POU2F2: variants seen among roughly 807,000 people sequenced by gnomAD.
POU2F2 encodes POU domain, class 2, transcription factor 2.
A neutral mutation model predicts 63.5 loss-of-function variants in POU2F2; 14 were observed. That is an observed-to-expected ratio of 0.22 (90% confidence interval 0.15 to 0.34). POU2F2 has a LOEUF of 0.34. Ranked by LOEUF, POU2F2 falls within the 10% of genes least tolerant of loss-of-function variation. POU2F2 has a pLI of 1.00. For missense variants in POU2F2, 607 were observed against 815.2 expected (o/e 0.74, Z 3.11); for synonymous variants, 306 against 348.6 (o/e 0.88, Z 1.36).
In POU2F2 at chr19:42,117,375, GA is replaced by G; in HGVS notation, c.243del (p.Gln84ArgfsTer33). On this transcript the variant is annotated frameshift_variant, in exon 5 of 15. Coordinates refer to ENST00000692977, the MANE Select transcript of POU2F2 (RefSeq NM_001394376.1). LOFTEE classifies it high-confidence loss of function. The surrounding 1 kb of genome is among the most constrained non-coding windows in gnomAD (Gnocchi z 4.4). The part of the protein sequence containing the change: ...LTFWGPGPCL[S>X]PPQIKAEDPS... ...GGGTCTTCAGCCTTGATCTGGGGGG[GA>G]GAGAGGCAGGGTCCGGGACCCCAGA... The G allele has an allele frequency of 6.6e-7, 1 of 1,521,018 alleles. No homozygotes were observed. The highest frequency in any genetic ancestry group is 8.8e-7 in the Non-Finnish European group (1 of 1,138,162). 94.2% of individuals were successfully genotyped at this position (1,521,018 alleles called of 1,614,324 possible).
intron 4 of POU2F2, among the ~76,000 whole-genome samples, chr19:42,118,189 T>G (rs1367436833): frequency 6.6e-6 from 1 of 152,224 alleles, no homozygotes; most frequent in Non-Finnish European, 1.5e-5. Flanking sequence ...CCTCCCAAAA[T>G]GCTGGAATTA....
chr19:42,143,351 C>CA (rs199605973), intron 2 of POU2F2, among the ~76,000 whole-genome samples: 3,974 of 150,498 alleles, frequency 0.026, 77 homozygotes, highest in Middle Eastern at 0.065. Context: ...GACTCTGCCT[C>CA]AAAAAAAAAG....
chr19:42,156,391 A>C lies in POU2F2; in HGVS notation c.-9+3941T>G, dbSNP rs2034456693. The C allele has an allele frequency of 6.6e-6, 1 of 152,666 alleles. No homozygotes were observed. Among genetic ancestry groups the C allele is most frequent in the Admixed American group, 6.5e-5 (1 of 15,282 alleles). The allele number at this position is 152,666 out of a possible 1,614,324, so 9.5% of individuals were successfully genotyped here. The stretch of plus-strand genomic sequence containing the variant: ...AAGCAATCTCTTGCCACCTCCCAGC[A>C]CCCCAGAATGCTAAACAGACCCTCA... On this transcript the variant is annotated intron_variant, in intron 2 of 6. Coordinates refer to the POU2F2 transcript ENST00000524801. The surrounding 1 kb of genome is among the most constrained non-coding windows in gnomAD (Gnocchi z 4.1).
chr19:42,129,994 G>C (rs1406959492), intron 1 of POU2F2, among the ~76,000 whole-genome samples: 3 of 152,124 alleles, frequency 2.0e-5, no homozygotes, highest in East Asian at 1.9e-4. Flanking sequence ...TTGCAGATAC[G>C]ACACATGCCC....
chr19:42,137,552 T>C (rs2034040997), intron 2 of POU2F2, among the ~76,000 whole-genome samples: 1 of 151,792 alleles, frequency 6.6e-6, no homozygotes, highest in African/African-American at 2.4e-5. Context: ...CGAGACCCCA[T>C]CTCTACAAAA....
intron 1 of POU2F2, among the ~76,000 whole-genome samples, chr19:42,127,917 T>C (rs1325218170): frequency 2.6e-5 from 4 of 152,060 alleles, no homozygotes; most frequent in Non-Finnish European, 5.9e-5. Flanking sequence ...CCCAAGGTCC[T>C]GATCTCCCTC....
At chr19:42,172,439 A>G (rs1490189192) in intron 1 of POU2F2, among the ~76,000 whole-genome samples, 6 of 152,122 alleles carry the variant, frequency 3.9e-5, no homozygotes, top group Admixed American at 3.9e-4. Flanking sequence ...ACACCACTCA[A>G]TAAATACCTA....
chr19:42,159,113 T>C (rs979541320), intron 2 of POU2F2, among the ~76,000 whole-genome samples: 1 of 152,028 alleles, frequency 6.6e-6, no homozygotes, highest in Admixed American at 6.5e-5. Context: ...GGGCCAAAGG[T>C]TGCCTGAAAT....
chr19:42,134,572 G>A (rs771560486), upstream of POU2F2: 1 of 152,562 alleles, frequency 6.6e-6, no homozygotes, highest in Non-Finnish European at 1.5e-5. Flanking sequence ...GGAACAGGGA[G>A]GCTCAAGGCA....
chr19:42,114,388 G>C (rs2031573046), intron 5 of POU2F2, among the ~76,000 whole-genome samples: 1 of 152,124 alleles, frequency 6.6e-6, no homozygotes, highest in Non-Finnish European at 1.5e-5. Context: ...TCCTGGGCTG[G>C]GGCTCAGATG....
chr19:42,112,224 C>T (rs1296058450), intron 5 of POU2F2, among the ~76,000 whole-genome samples: 1 of 152,110 alleles, frequency 6.6e-6, no homozygotes, highest in Non-Finnish European at 1.5e-5. Context: ...TACCCACTGC[C>T]CCTTCTTCAA....
chr19:42,176,906 G>C (rs1238187616), upstream of POU2F2, among the ~76,000 whole-genome samples: 1 of 151,502 alleles, frequency 6.6e-6, no homozygotes, highest in Non-Finnish European at 1.5e-5. Flanking sequence ...AGGCCGAGCC[G>C]GCTGCATTAA....
chr19:42,184,512 C>T (rs2034994100), intron 1 of POU2F2, among the ~76,000 whole-genome samples: 1 of 152,108 alleles, frequency 6.6e-6, no homozygotes, highest in Admixed American at 6.5e-5. Context: ...GGCCACTGCC[C>T]CCTGGTGGCT....
intron 1 of POU2F2, among the ~76,000 whole-genome samples, chr19:42,189,746 C>G (rs940348842): frequency 6.6e-6 from 1 of 151,584 alleles, no homozygotes; most frequent in Non-Finnish European, 1.5e-5. Context: ...TGTTTTGTTT[C>G]TTTGTTTTTG....
intron 1 of POU2F2, 113 bp from the exon 2 acceptor site, chr19:42,122,689 C>G: frequency 1.0e-6 from 1 of 977,382 alleles, no homozygotes; most frequent in Non-Finnish European, 1.5e-6. Flanking sequence ...CCCCTTACCC[C>G]CAGCCACCTT....
At position 42,086,563 on chromosome 19, in the gene POU2F2, C is replaced by T. The variant is rs1341030705; in HGVS notation, c.*4694G>A. On this transcript the variant is annotated 3_prime_UTR_variant, in exon 15 of 15. Transcript: ENST00000692977. ...GGTGGTCACCTTGCCCTAGTGCAGC[C>T]CTGGATTTGGAAGGTGATGGTGGAA... 6.6e-6 allele frequency: 1 copy of T among 152,154 alleles called. No homozygotes were observed. The highest frequency in any genetic ancestry group is 1.5e-5 in the Non-Finnish European group (1 of 68,086). 9.4% of individuals were successfully genotyped at this position (152,154 alleles called of 1,614,324 possible).
At chr19:42,189,280 G>A (rs1334636678) in intron 1 of POU2F2, among the ~76,000 whole-genome samples, 1 of 152,118 alleles carries the variant, frequency 6.6e-6, no homozygotes, top group Admixed American at 6.6e-5. Flanking sequence ...GACTGTTAGG[G>A]CACTCAGCTG....
intron 1 of POU2F2, among the ~76,000 whole-genome samples, chr19:42,195,103 G>GGGAGGGAGGAAGGA (rs1568430914): frequency 2.6e-4 from 16 of 61,478 alleles, no homozygotes; most frequent in African/African-American, 8.9e-4. Context: ...GGAAGGAAGG[G>GGGAGGGAGGAAGGA]AGGGAGGGAG....
At chr19:42,133,721 TATACTG>T (rs1320230372), upstream of POU2F2, among the ~76,000 whole-genome samples, 1 of 152,170 alleles carries the variant, frequency 6.6e-6, no homozygotes, top group Non-Finnish European at 1.5e-5. This position sits in a 1 kb window ranked among gnomAD's most constrained non-coding sequence, Gnocchi z 5.1. Context: ...GTCACTCCCA[TATACTG>T]ATACCTCCTC....
Sources: allele counts gnomAD v4.1 joint callset (sites outside exome capture counted in the v4.1 genomes callset), GRCh38; gene constraint gnomAD v4.1.1; non-coding constraint Gnocchi (gnomAD v3.1); transcripts MANE v1.5; gene names NCBI Gene and HGNC (gene_info 2026-07-23, HGNC 2026-07-21).